SHISA8: variants seen among roughly 807,000 people sequenced by gnomAD.
SHISA8 encodes protein shisa-8.
A neutral mutation model predicts 21.1 loss-of-function variants in SHISA8; 21 were observed. The ratio of observed to expected loss-of-function variants is 0.99; its 90% CI spans 0.71 to 1.43. The LOEUF is 1.43. Among genes scored for constraint, SHISA8 ranks in the 40% most tolerant of loss-of-function variants. SHISA8 has a pLI of 0.00. For synonymous variants in SHISA8, 300 were observed against 291.4 expected, an observed-to-expected ratio of 1.03 and a Z score of -0.30; for missense variants, 535 against 599.1, an observed-to-expected ratio of 0.89 and a Z score of 1.12.
chr22:41,912,027 G>A (rs922724177), intron 1 of SHISA8, among the ~76,000 whole-genome samples: 5 of 152,222 alleles, frequency 3.3e-5, no homozygotes, highest in South Asian at 4.1e-4. Flanking sequence ...CACCGCGCCC[G>A]GCCCAGGATG....
In SHISA8 at chr22:41,914,539, C is replaced by T; in HGVS notation, c.129G>A (p.Ala43=). The T allele has an allele frequency of 5.0e-6, 6 of 1,200,640 alleles. No individual in the cohort carries two copies. Among genetic ancestry groups the T allele is most frequent in the African/African-American group, 1.6e-5 (1 of 62,706 alleles). 74.4% of individuals were successfully genotyped at this position (1,200,640 alleles called of 1,614,324 possible). A position where few individuals can be genotyped will look rare whatever the true frequency, so the allele number is the denominator to read the frequency against. ...TCGTGCCGGGCGCCGCGGGACCCTG[C>T]GCCTCGGGGGCTCCCGCGCGGCCCG... is the stretch of plus-strand genomic sequence containing the variant. ...PPSGRAGAPE[A]QGPAAPGTTA... Residue 43 remains alanine, a synonymous_variant, in exon 1 of 4, where the codon GCG becomes GCA. Transcript: ENST00000621082. This position sits in a 1 kb window ranked among gnomAD's most constrained non-coding sequence, Gnocchi z 6.8.
Position 41,914,078 on chromosome 22 carries a change from C to T in SHISA8, c.530+60G>A. The T allele has an allele frequency of 7.6e-7, 1 of 1,313,018 alleles. No homozygotes were observed. The highest frequency in any genetic ancestry group is 9.7e-7 in the Non-Finnish European group (1 of 1,031,418). 81.3% of individuals were successfully genotyped at this position (1,313,018 alleles called of 1,614,324 possible). On this transcript the variant is annotated intron_variant, in intron 1 of 3. Transcript: ENST00000621082. This position sits in a 1 kb window ranked among gnomAD's most constrained non-coding sequence, Gnocchi z 6.8. ...GCGCTTCGAGAGCGGCGGGAAGGATCAGCGGGCAGGGAGAGCAGTCCGAGG... is the reference window on the plus strand; with the variant it reads ...GCGCTTCGAGAGCGGCGGGAAGGATTAGCGGGCAGGGAGAGCAGTCCGAGG...
At chr22:41,913,277 TA>T (rs2146577550) in intron 1 of SHISA8, among the ~76,000 whole-genome samples, 1 of 152,334 alleles carries the variant, frequency 6.6e-6, no homozygotes, top group African/African-American at 2.4e-5. Context: ...CACTTTTAAA[TA>T]CCAGCCTGTC....
chr22:41,914,268 CG>C lies in SHISA8; in HGVS notation c.399del (p.Gly134AlafsTer42). 2.3e-6 allele frequency: 3 copies of C among 1,281,774 alleles called. No homozygotes were observed. The highest frequency in any genetic ancestry group is 2.7e-5 in the South Asian group (1 of 37,714). 79.4% of individuals were successfully genotyped at this position (1,281,774 alleles called of 1,614,324 possible). On this transcript the variant is annotated frameshift_variant, in exon 1 of 4. Coordinates refer to ENST00000621082, the MANE Select transcript of SHISA8 (RefSeq NM_001207020.3). LOFTEE classifies it high-confidence loss of function. The surrounding 1 kb of genome is among the most constrained non-coding windows in gnomAD (Gnocchi z 6.8). ...ACGGCCGTATGGCTGCGCTCGCGGC[CG>C]GGGTCCCGGGGCGCTGCGGTGTCGC... ...RARDTAAPRD[P>X]GRERSHTAVY...
chr22:41,909,651 G>GTT lies in SHISA8; in HGVS notation c.*112_*113dup. 2 of 1,304,386 alleles carry GTT rather than the reference G, an allele frequency of 1.5e-6. No individual in the cohort carries two copies. The highest frequency in any genetic ancestry group is 6.1e-5 in the East Asian group (2 of 32,774). The allele number at this position is 1,304,386 out of a possible 1,614,324, so 80.8% of individuals were successfully genotyped here. Reference sequence around the variant, plus strand: ...CTGCAGGCTCCAAGACACCACTGCCGTTGAGGCAGACAGAAGAGCTGGCCT... The same window carrying GTT: ...CTGCAGGCTCCAAGACACCACTGCCGTTTTGAGGCAGACAGAAGAGCTGGCCT... On this transcript the variant is annotated 3_prime_UTR_variant, in exon 4 of 4. Transcript: ENST00000621082.
At position 41,910,763 on chromosome 22, in the gene SHISA8, A is replaced by G. The variant is rs1406666878; in HGVS notation, c.665-209T>C. Among the ~76,000 whole-genome samples, 1 of 152,046 alleles carries G rather than the reference A, an allele frequency of 6.6e-6. No individual in the cohort carries two copies. Among genetic ancestry groups the G allele is most frequent in the Non-Finnish European group, 1.5e-5 (1 of 67,990 alleles). On this transcript the variant is annotated intron_variant, in intron 2 of 3. Transcript: ENST00000621082. The surrounding 1 kb of genome is among the most constrained non-coding windows in gnomAD (Gnocchi z 6.8). ...CCGAGTCACGCGCAGCGGCGGCGGC[A>G]GCCAGCCCGGGGGGTGCCACCCTCA...
Position 41,911,196 on chromosome 22 carries a change from C to T in SHISA8, c.664+20G>A, listed in dbSNP as rs1461693535. ...TCCGCGTGCTCCGCCGCCGCTCAGC[C>T]CCGCCCGCCACCGACTCACCTGCGC... On this transcript the variant is annotated intron_variant, in intron 2 of 3. Coordinates refer to ENST00000621082, the MANE Select transcript of SHISA8 (RefSeq NM_001207020.3). 2.0e-5 allele frequency: 25 copies of T among 1,268,104 alleles called. No individual in the cohort carries two copies. In the South Asian group the frequency reaches 7.4e-4, roughly 38 times the overall value. The allele number at this position is 1,268,104 out of a possible 1,614,324, so 78.6% of individuals were successfully genotyped here. A position where few individuals can be genotyped will look rare whatever the true frequency, so the allele number is the denominator to read the frequency against.
rs1479006810 is a variant in SHISA8, at chr22:41,914,354, C to A, written c.314G>T (p.Arg105Leu). The change falls in exon 1 of 4, where the codon CGC becomes CTC. Residue 105 changes from arginine (R) to leucine (L), a missense_variant. Physicochemically the swap from Arg to Leu is moderately radical, Grantham distance 102. Coordinates refer to ENST00000621082, the MANE Select transcript of SHISA8 (RefSeq NM_001207020.3). This position sits in a 1 kb window ranked among gnomAD's most constrained non-coding sequence, Gnocchi z 6.8. ...HDGPRRLDQS[R>L]CSNYDTPAWV... ...GGCCGGCGTGTCGTAGTTGGAACAG[C>A]GGCTCTGGTCGAGGCGCCGCGGCCC... 3 of 1,267,772 alleles carry A rather than the reference C, an allele frequency of 2.4e-6. No individual in the cohort carries two copies. Among genetic ancestry groups the A allele is most frequent in the African/African-American group, 1.6e-5 (1 of 64,220 alleles). The allele number at this position is 1,267,772 out of a possible 1,614,324, so 78.5% of individuals were successfully genotyped here.
chr22:41,914,039 T>C lies in SHISA8; in HGVS notation c.530+99A>G. 1 of 1,246,326 alleles carries C rather than the reference T, an allele frequency of 8.0e-7. No individual in the cohort carries two copies. The highest frequency in any genetic ancestry group is 1.0e-6 in the Non-Finnish European group (1 of 979,788). 77.2% of individuals were successfully genotyped at this position (1,246,326 alleles called of 1,614,324 possible). A position where few individuals can be genotyped will look rare whatever the true frequency, so the allele number is the denominator to read the frequency against. On this transcript the variant is annotated intron_variant, in intron 1 of 3. Coordinates refer to ENST00000621082, the MANE Select transcript of SHISA8 (RefSeq NM_001207020.3). This position sits in a 1 kb window ranked among gnomAD's most constrained non-coding sequence, Gnocchi z 6.8. ...GACAGGAAAACCCAGAGAAGGGGCC[T>C]GCTGGGAGAACCAGCGCTTCGAGAG...
Position 41,910,433 on chromosome 22 carries a change from G to A in SHISA8, c.786C>T (p.Phe262=), listed in dbSNP as rs1485165483. 1 of 1,360,552 alleles carries A rather than the reference G, an allele frequency of 7.3e-7. No individual in the cohort carries two copies. Among genetic ancestry groups the A allele is most frequent in the Admixed American group, 3.2e-5 (1 of 31,366 alleles). The allele number at this position is 1,360,552 out of a possible 1,614,324, so 84.3% of individuals were successfully genotyped here. The part of the protein sequence containing the change: ...LQPDYAKYAT[F]KAAALKAAEA... The stretch of plus-strand genomic sequence containing the variant: ...CTGCGGCCTTGAGCGCGGCGGCCTT[G>A]AACGTGGCGTACTTGGCGTAGTCTG... The change falls in exon 3 of 4, where the codon TTC becomes TTT. Residue 262 remains phenylalanine (F), a synonymous_variant. Transcript: ENST00000621082. The surrounding 1 kb of genome is among the most constrained non-coding windows in gnomAD (Gnocchi z 6.8).
chr22:41,914,308 C>A lies in SHISA8; in HGVS notation c.360G>T (p.Pro120=). 3.2e-6 allele frequency: 4 copies of A among 1,251,180 alleles called. No individual in the cohort carries two copies. The highest frequency in any genetic ancestry group is 3.3e-5 in the South Asian group (1 of 30,640). 77.5% of individuals were successfully genotyped at this position (1,251,180 alleles called of 1,614,324 possible). ...CTGCGGTGTCGCGGGCGCGGGCGGG[C>A]GGCCGGCCTGTCTGGACCCAGGCCG... The part of the protein sequence containing the change: ...DTPAWVQTGR[P]PARARDTAAP... The change falls in exon 1 of 4, where the codon CCG becomes CCT. Residue 120 remains proline, a synonymous_variant. Transcript: ENST00000621082. This position sits in a 1 kb window ranked among gnomAD's most constrained non-coding sequence, Gnocchi z 6.8.
intron 1 of SHISA8, among the ~76,000 whole-genome samples, chr22:41,912,351 T>C (rs1024934764): frequency 6.6e-6 from 1 of 152,224 alleles, no homozygotes; most frequent in African/African-American, 2.4e-5. Context: ...GGCTGATTCG[T>C]GAAGGTCATT....
rs1287301520 is a variant in SHISA8, at chr22:41,910,217, C to G, written c.812-70G>C. 6 of 1,223,332 alleles carry G rather than the reference C, an allele frequency of 4.9e-6. No homozygotes were observed. The highest frequency in any genetic ancestry group is 5.1e-6 in the Non-Finnish European group (5 of 983,146). 75.8% of individuals were successfully genotyped at this position (1,223,332 alleles called of 1,614,324 possible). On this transcript the variant is annotated intron_variant, in intron 3 of 3. Transcript: ENST00000621082. This position sits in a 1 kb window ranked among gnomAD's most constrained non-coding sequence, Gnocchi z 6.8. The stretch of plus-strand genomic sequence containing the variant: ...AAGCTCAGGACTGGACAAGGGGTCC[C>G]GGCCGGGGACTGGGACGGGGACCGG...
Position 41,911,749 on chromosome 22 carries a change from A to AT in SHISA8, c.531-401dup, listed in dbSNP as rs146854578. 2.2e-3 allele frequency among the ~76,000 whole-genome samples: 332 copies of AT among 151,714 alleles called. 9 individuals are homozygous for AT. The East Asian group carries it at 0.059, about 27-fold the overall frequency. On this transcript the variant is annotated intron_variant, in intron 1 of 3. Coordinates refer to ENST00000621082, the MANE Select transcript of SHISA8 (RefSeq NM_001207020.3). Reference sequence around the variant, plus strand: ...CCTCCTCCAGGAATCCTTTTTTTTAATTTTTTTATCTTTTGAAGCAGAGTC... The same window carrying AT: ...CCTCCTCCAGGAATCCTTTTTTTTAATTTTTTTTATCTTTTGAAGCAGAGTC...
At position 41,910,266 on chromosome 22, in the gene SHISA8, C is replaced by T. The variant is rs986799390; in HGVS notation, c.812-119G>A. On this transcript the variant is annotated intron_variant, in intron 3 of 3. Coordinates refer to ENST00000621082, the MANE Select transcript of SHISA8 (RefSeq NM_001207020.3). This position sits in a 1 kb window ranked among gnomAD's most constrained non-coding sequence, Gnocchi z 6.8. ...GGGCCGGGGCGGGCCGGGGGCGGGG[C>T]CCGCTGGGGCGAGGGAGCCGATTGG... The T allele has an allele frequency of 4.1e-6, 5 of 1,226,146 alleles. No individual in the cohort carries two copies. In the South Asian group the frequency reaches 1.8e-4, roughly 45 times the overall value. 76.0% of individuals were successfully genotyped at this position (1,226,146 alleles called of 1,614,324 possible). A position where few individuals can be genotyped will look rare whatever the true frequency, so the allele number is the denominator to read the frequency against.
Position 41,910,224 on chromosome 22 carries a change from G to A in SHISA8, c.812-77C>T, listed in dbSNP as rs2077539394. 6.5e-6 allele frequency: 8 copies of A among 1,224,924 alleles called. No individual in the cohort carries two copies. Among genetic ancestry groups the A allele is most frequent in the Non-Finnish European group, 8.1e-6 (8 of 983,192 alleles). The allele number at this position is 1,224,924 out of a possible 1,614,324, so 75.9% of individuals were successfully genotyped here. A position where few individuals can be genotyped will look rare whatever the true frequency, so the allele number is the denominator to read the frequency against. The stretch of plus-strand genomic sequence containing the variant: ...GGACTGGACAAGGGGTCCCGGCCGG[G>A]GACTGGGACGGGGACCGGGCCGGGG... On this transcript the variant is annotated intron_variant, in intron 3 of 3. Coordinates refer to ENST00000621082, the MANE Select transcript of SHISA8 (RefSeq NM_001207020.3). The surrounding 1 kb of genome is among the most constrained non-coding windows in gnomAD (Gnocchi z 6.8).
rs2146573290 is a variant in SHISA8, at chr22:41,910,306, C to A, written c.811+102G>T. The stretch of plus-strand genomic sequence containing the variant: ...GAGCCGATTGGCCGAGCGGCGGGCG[C>A]GCGGAACTGGGAATTTGGCGCTTGG... On this transcript the variant is annotated intron_variant, in intron 3 of 3. Coordinates refer to ENST00000621082, the MANE Select transcript of SHISA8 (RefSeq NM_001207020.3). The surrounding 1 kb of genome is among the most constrained non-coding windows in gnomAD (Gnocchi z 6.8). 1 of 1,239,100 alleles carries A rather than the reference C, an allele frequency of 8.1e-7. No homozygotes were observed. The highest frequency in any genetic ancestry group is 3.2e-5 in the South Asian group (1 of 31,054). 76.8% of individuals were successfully genotyped at this position (1,239,100 alleles called of 1,614,324 possible). A position where few individuals can be genotyped will look rare whatever the true frequency, so the allele number is the denominator to read the frequency against.
intron 1 of SHISA8, among the ~76,000 whole-genome samples, chr22:41,913,775 C>T (rs1320864342): frequency 6.6e-6 from 1 of 152,070 alleles, no homozygotes; most frequent in African/African-American, 2.4e-5. Context: ...TTCCCGTGCC[C>T]AAGACGCCCG....
chr22:41,910,122 C>G lies in SHISA8; in HGVS notation c.837G>C (p.Gln279His). The G allele has an allele frequency of 6.5e-6, 8 of 1,238,614 alleles. No homozygotes were observed. The highest frequency in any genetic ancestry group is 8.0e-6 in the Non-Finnish European group (8 of 994,354). The allele number at this position is 1,238,614 out of a possible 1,614,324, so 76.7% of individuals were successfully genotyped here. The change falls in exon 4 of 4, where the codon CAG (glutamine) becomes CAC (histidine). Residue 279 changes from glutamine to histidine, a missense_variant. Gln to His is a conservative substitution (Grantham distance 24). Transcript: ENST00000621082. The surrounding 1 kb of genome is among the most constrained non-coding windows in gnomAD (Gnocchi z 6.8). ...GGGACGGCTCGAGGGCGGGGAAACG[C>G]TGACAGAAGTCCCGCGGGGCGGCCT... is the stretch of plus-strand genomic sequence containing the variant. ...AAEAAPRDFCQRFPALEPSPR... is the reference protein window; with the variant it reads ...AAEAAPRDFCHRFPALEPSPR...
Sources: allele counts gnomAD v4.1 joint callset (sites outside exome capture counted in the v4.1 genomes callset), GRCh38; gene constraint gnomAD v4.1.1; non-coding constraint Gnocchi (gnomAD v3.1); transcripts MANE v1.5; gene names NCBI Gene and HGNC (gene_info 2026-07-23, HGNC 2026-07-21).